The following RAB27B variants were observed in gnomAD, a reference collection of about 807,000 sequenced individuals.
The protein encoded by RAB27B is RAB27B, member RAS oncogene family, also known as ras-related protein Rab-27B.
RAB27B carries 15 observed loss-of-function variants against 24.6 expected under a neutral mutation model. The ratio of observed to expected loss-of-function variants is 0.61; its 90% CI spans 0.41 to 0.94. The LOEUF (loss-of-function observed/expected upper bound fraction) is 0.94. Among genes scored for constraint, RAB27B ranks in the 40% least tolerant of loss-of-function variants. The pLI is 0.00. For missense variants in RAB27B, 261 were observed against 266.8 expected (o/e 0.98, Z 0.15); for synonymous variants, 105 against 92.5 (o/e 1.14, Z -0.78).
chr18:54,834,686 T>C (rs1390014947), intron 1 of RAB27B, among the ~76,000 whole-genome samples: 1 of 151,834 alleles, frequency 6.6e-6, no homozygotes, highest in Non-Finnish European at 1.5e-5. Flanking sequence ...TATATATGTG[T>C]GTGTGTGTGT....
intron 1 of RAB27B, among the ~76,000 whole-genome samples, chr18:54,847,442 T>C (rs6566887): frequency 0.95 from 144,346 of 152,280 alleles, 68,912 homozygotes; most frequent in East Asian, 1. Context: ...CATAGGGCAG[T>C]CCAGAAAAAT....
chr18:54,724,317 AATGTGGCTACTAGAAAAGTTAATGTT>A (rs1458379250), intron 2 of RAB27B, among the ~76,000 whole-genome samples: 1 of 151,636 alleles, frequency 6.6e-6, no homozygotes, highest in Non-Finnish European at 1.5e-5. Flanking sequence ...TGGACAATGC[AATGTGGCTACTAGAAAAGTTAATGTT>A]ATGTGGCTAC....
At chr18:54,866,000 C>G (rs1912203504) in intron 1 of RAB27B, among the ~76,000 whole-genome samples, 1 of 152,018 alleles carries the variant, frequency 6.6e-6, no homozygotes, top group African/African-American at 2.4e-5. Flanking sequence ...AGTAGCTATG[C>G]TTTAATTTTC....
intron 2 of RAB27B, among the ~76,000 whole-genome samples, chr18:54,775,952 G>A (rs919065678): frequency 6.6e-6 from 1 of 152,218 alleles, no homozygotes; most frequent in Non-Finnish European, 1.5e-5. Context: ...ATAATCATGG[G>A]AAAATTATAA....
At chr18:54,797,253 G>A (rs1181514778) in intron 2 of RAB27B, among the ~76,000 whole-genome samples, 1 of 152,166 alleles carries the variant, frequency 6.6e-6, no homozygotes, top group East Asian at 1.9e-4. Flanking sequence ...ATGCCTGTAA[G>A]AGTAGCTTAT....
chr18:54,752,390 G>A (rs1443742607), intron 2 of RAB27B, among the ~76,000 whole-genome samples: 2 of 152,116 alleles, frequency 1.3e-5, no homozygotes, highest in African/African-American at 4.8e-5. Context: ...GGGCCCAAGC[G>A]TTTGTAAATT....
At chr18:54,780,824 C>T (rs1908891925) in intron 2 of RAB27B, among the ~76,000 whole-genome samples, 1 of 152,164 alleles carries the variant, frequency 6.6e-6, no homozygotes, top group Non-Finnish European at 1.5e-5. Flanking sequence ...GGTGATTCTG[C>T]TGAACACTGA....
rs750373473 is a variant in RAB27B at position 54,888,132 on chromosome 18, A to G, written c.467+14A>G. On this transcript the variant is annotated intron_variant, in intron 5 of 5. Transcript: ENST00000262094. ...TGACAAATATGGGTAAGTCAGTTAC[A>G]CTGAGATGGCATGTGACTTGCACAC... 6.2e-7 allele frequency: 1 copy of G among 1,612,026 alleles called. No homozygotes were observed.
chr18:54,821,198 C>T (rs1910299013), intron 2 of RAB27B, among the ~76,000 whole-genome samples: 1 of 152,138 alleles, frequency 6.6e-6, no homozygotes, highest in Non-Finnish European at 1.5e-5. Flanking sequence ...TCTCAGGATA[C>T]AAAATCAATG....
chr18:54,879,561 C>T, intron 3 of RAB27B, 107 bp downstream of exon 3: 1 of 919,470 alleles, frequency 1.1e-6, no homozygotes. Context: ...AACTCTTCTC[C>T]TGGTTTCAAA....
intron 2 of RAB27B, among the ~76,000 whole-genome samples, chr18:54,801,008 GTTTTTTTT>G (rs11363761): frequency 8.6e-5 from 8 of 93,096 alleles, no homozygotes; most frequent in East Asian, 3.3e-4. Context: ...TTGTTCCTGT[GTTTTTTTT>G]TTTTTTTTTT....
chr18:54,779,539 A>G (rs1006787573), intron 2 of RAB27B, among the ~76,000 whole-genome samples: 5 of 152,116 alleles, frequency 3.3e-5, no homozygotes, highest in Non-Finnish European at 7.4e-5. Flanking sequence ...GACATGACCA[A>G]ACTCAAGTGC....
At chr18:54,835,942 C>T (rs777438096) in intron 1 of RAB27B, among the ~76,000 whole-genome samples, 26 of 151,916 alleles carry the variant, frequency 1.7e-4, no homozygotes, top group Non-Finnish European at 2.9e-4. Context: ...TTTCTGAACA[C>T]GCTTAATTTG....
intron 2 of RAB27B, among the ~76,000 whole-genome samples, chr18:54,720,914 C>T (rs754019736): frequency 7.9e-5 from 12 of 151,944 alleles, no homozygotes; most frequent in Non-Finnish European, 1.6e-4. Flanking sequence ...TGAGATTTTC[C>T]CATTATGATT....
At chr18:54,772,831 T>A (rs1290834394) in intron 2 of RAB27B, among the ~76,000 whole-genome samples, 1 of 152,234 alleles carries the variant, frequency 6.6e-6, no homozygotes, top group Non-Finnish European at 1.5e-5. Context: ...CTACCTTGTA[T>A]ATTGCATTGC....
At chr18:54,873,077 A>T (rs1399927803) in intron 1 of RAB27B, among the ~76,000 whole-genome samples, 2 of 152,044 alleles carry the variant, frequency 1.3e-5, no homozygotes, top group East Asian at 3.9e-4. Flanking sequence ...TTCCCTTTCC[A>T]TATAAAATAA....
intron 2 of RAB27B, among the ~76,000 whole-genome samples, chr18:54,774,748 A>G (rs889769187): frequency 6.6e-6 from 1 of 152,240 alleles, no homozygotes; most frequent in Non-Finnish European, 1.5e-5. Flanking sequence ...TGTTTAAGCC[A>G]GTAAAATAGC....
chr18:54,868,603 C>CTTTGTT (rs1555666518), intron 1 of RAB27B, among the ~76,000 whole-genome samples: 7 of 150,922 alleles, frequency 4.6e-5, no homozygotes, highest in Admixed American at 4.6e-4. Context: ...CTCTCAGTTT[C>CTTTGTT]GTTGTTGTTG....
chr18:54,788,145 A>G (rs1313226595), intron 2 of RAB27B, among the ~76,000 whole-genome samples: 1 of 152,238 alleles, frequency 6.6e-6, no homozygotes, highest in Non-Finnish European at 1.5e-5. Flanking sequence ...CCCAGACTGA[A>G]TTTATACAAA....
Sources: gnomAD v4.1 joint callset for allele counts (sites outside exome capture counted in the v4.1 genomes callset) on GRCh38, gnomAD v4.1.1 for gene constraint, MANE v1.5 for transcripts, NCBI Gene and HGNC (gene_info 2026-07-23, HGNC 2026-07-21) for gene names.